The following NINL variants were observed in gnomAD, a reference collection of about 807,000 sequenced individuals.
NINL encodes the protein ninein-like protein.
NINL carries 153 observed loss-of-function variants against 160.3 expected under a neutral mutation model. That is an observed-to-expected ratio of 0.95 (90% CI 0.84 to 1.09). The LOEUF (loss-of-function observed/expected upper bound fraction) is 1.09, where lower values mean the gene tolerates loss of function less well. NINL is among the 50% of genes least tolerant of loss of function. The probability of loss-of-function intolerance (pLI) is 0.00; values close to 1 mark genes in which losing one functional copy is unlikely to be tolerated. For missense variants in NINL, 1,829 were observed against 1,764.0 expected (o/e 1.04, Z -0.66); for synonymous variants, 800 against 734.8 (o/e 1.09, Z -1.43).
At chr20:25,504,262 A>T (rs969093850) in intron 6 of NINL, among the ~76,000 whole-genome samples, 158 bp from the exon 7 acceptor site, 3 of 151,276 alleles carry the variant, frequency 2.0e-5, no homozygotes, top group African/African-American at 7.3e-5. Flanking sequence ...CATGCGGGCT[A>T]TATTTTCCCA....
rs1162451190 is a variant in NINL, at chr20:25,478,939, G to A, written c.2185C>T (p.His729Tyr). The A allele has an allele frequency of 6.4e-7, 1 of 1,553,758 alleles. No homozygotes were observed. ...TGGCTGGACCTGATCTGCTGCAGGTGGCTGTGATGCCGCAGGGCCAGGCCA... is the reference window on the plus strand; with the variant it reads ...TGGCTGGACCTGATCTGCTGCAGGTAGCTGTGATGCCGCAGGGCCAGGCCA... ...LCGLALRHHS[H>Y]LQQIRREAEA... The change falls in exon 16 of 24, where the codon CAC becomes TAC. Residue 729 changes from histidine to tyrosine, a missense_variant. His to Tyr is a moderately conservative substitution (Grantham distance 83). Coordinates refer to ENST00000278886, the MANE Select transcript of NINL (RefSeq NM_025176.6).
Position 25,509,612 on chromosome 20 carries a change from C to T in NINL, c.517+1062G>A, listed in dbSNP as rs1210743138. 8.8e-6 allele frequency: 4 copies of T among 455,172 alleles called. No individual in the cohort carries two copies. In the Admixed American group the frequency reaches 9.5e-5, roughly 11 times the overall value. 28.2% of individuals were successfully genotyped at this position (455,172 alleles called of 1,614,324 possible). On this transcript the variant is annotated intron_variant, in intron 5 of 23. Coordinates refer to ENST00000278886, the MANE Select transcript of NINL (RefSeq NM_025176.6). ...GGTTAGCCAGGCTGCCAGCTTCACA[C>T]CTGGGTAGTTCCTTAGAGCTCAGCG...
intron 1 of NINL, 37 bp downstream of exon 1, chr20:25,585,418 C>T (rs1451238297): frequency 1.3e-5 from 2 of 152,154 alleles, no homozygotes; most frequent in Non-Finnish European, 2.9e-5. Context: ...CCCCACCAGC[C>T]GCCTGAATGT....
intron 1 of NINL, among the ~76,000 whole-genome samples, chr20:25,544,192 G>T (rs1013148392): frequency 1.3e-5 from 2 of 148,356 alleles, no homozygotes; most frequent in Non-Finnish European, 3.0e-5. Flanking sequence ...ACAATTTGAC[G>T]CGTGGAATCT....
chr20:25,483,305 G>A (rs976533101), intron 13 of NINL, among the ~76,000 whole-genome samples: 4 of 151,318 alleles, frequency 2.6e-5, no homozygotes, highest in Non-Finnish European at 4.4e-5. Flanking sequence ...CTCCACTCCA[G>A]CCTGGTGACA....
intron 1 of NINL, among the ~76,000 whole-genome samples, chr20:25,572,771 C>A (rs1374001864): frequency 6.6e-6 from 1 of 152,200 alleles, no homozygotes; most frequent in Non-Finnish European, 1.5e-5. Flanking sequence ...GAAAATGTCT[C>A]TTCCAGCTCT....
intron 1 of NINL, among the ~76,000 whole-genome samples, chr20:25,576,379 C>T (rs2065116247): frequency 6.6e-6 from 1 of 152,192 alleles, no homozygotes; most frequent in African/African-American, 2.4e-5. Flanking sequence ...ACAGTAACTG[C>T]AATCGCTTGG....
chr20:25,495,164 C>G (rs1391420108), intron 10 of NINL, among the ~76,000 whole-genome samples: 3 of 152,194 alleles, frequency 2.0e-5, no homozygotes, highest in Non-Finnish European at 2.9e-5. Context: ...AGCCCCTCAA[C>G]CCCTGGAGCC....
chr20:25,470,152 G>A (rs1392474712), intron 17 of NINL, 57 bp from the exon 18 acceptor site: 3 of 1,417,718 alleles, frequency 2.1e-6, no homozygotes, highest in Admixed American at 1.7e-5. Flanking sequence ...TGTGGTCACG[G>A]AGGCTGGCTC....
intron 7 of NINL, among the ~76,000 whole-genome samples, chr20:25,501,588 C>T (rs974316222): frequency 4.6e-5 from 7 of 152,234 alleles, no homozygotes; most frequent in Non-Finnish European, 5.9e-5. Context: ...CTCCCCAACC[C>T]ACACTAAGCA....
chr20:25,583,327 T>A (rs1384964884), intron 1 of NINL, among the ~76,000 whole-genome samples: 1 of 151,958 alleles, frequency 6.6e-6, no homozygotes, highest in African/African-American at 2.4e-5. Flanking sequence ...AACAGACACT[T>A]CTCAAAAGAA....
Position 25,482,087 on chromosome 20 carries a change from C to CGGTCCTGCA in NINL, c.1682_1690dup (p.Leu561_Asp563dup). 1.3e-6 allele frequency: 2 copies of CGGTCCTGCA among 1,597,820 alleles called. No individual in the cohort carries two copies. Among genetic ancestry groups the CGGTCCTGCA allele is most frequent in the Non-Finnish European group, 1.7e-6 (2 of 1,179,560 alleles). On this transcript the variant is annotated inframe_insertion, in exon 14 of 24. Transcript: ENST00000278886. ...CAGCTCAGCTTGCAGCTCATCGTTG[C>CGGTCCTGCA]GGTCCTGCAGGTCCTGTGGGGACAG...
chr20:25,549,639 G>T (rs752143675), intron 1 of NINL, among the ~76,000 whole-genome samples: 20 of 152,300 alleles, frequency 1.3e-4, no homozygotes, highest in African/African-American at 3.6e-4. Flanking sequence ...CATCATGCAC[G>T]AGTGGAACTA....
intron 1 of NINL, among the ~76,000 whole-genome samples, chr20:25,569,402 T>C (rs2065030321): frequency 6.6e-6 from 1 of 152,174 alleles, no homozygotes; most frequent in Non-Finnish European, 1.5e-5. Context: ...TTAAACAAGA[T>C]AATTTACATT....
intron 13 of NINL, among the ~76,000 whole-genome samples, chr20:25,484,580 C>T (rs780467823): frequency 2.6e-5 from 4 of 152,074 alleles, no homozygotes; most frequent in Non-Finnish European, 4.4e-5. Context: ...AATTTGGGCA[C>T]GAAAATAATT....
At chr20:25,530,690 C>T (rs1055481827) in intron 1 of NINL, among the ~76,000 whole-genome samples, 1 of 151,946 alleles carries the variant, frequency 6.6e-6, no homozygotes, top group Non-Finnish European at 1.5e-5. Context: ...CGTGATGCCC[C>T]CCAAGCTGCA....
rs1395524722 is a variant in NINL, at chr20:25,585,488, G to GCCAGGAGCGCGGCA, written c.-59_-46dup. 6.6e-6 allele frequency: 1 copy of GCCAGGAGCGCGGCA among 152,226 alleles called. No homozygotes were observed. The allele number at this position is 152,226 out of a possible 1,614,324, so 9.4% of individuals were successfully genotyped here. A position where few individuals can be genotyped will look rare whatever the true frequency, so the allele number is the denominator to read the frequency against. Reference sequence around the variant, plus strand: ...CGCCTCCGCCGTCCGCCCGCGCGGGGCCAGGAGCGCGGCACCACCCCCGTA... The same window carrying GCCAGGAGCGCGGCA: ...CGCCTCCGCCGTCCGCCCGCGCGGGGCCAGGAGCGCGGCACCAGGAGCGCGGCACCACCCCCGTA... On this transcript the variant is annotated 5_prime_UTR_variant, in exon 1 of 24. Transcript: ENST00000278886.
At chr20:25,505,432 T>TG (rs1479889190) in intron 5 of NINL, among the ~76,000 whole-genome samples, 2 of 152,122 alleles carry the variant, frequency 1.3e-5, no homozygotes, top group Non-Finnish European at 2.9e-5. Context: ...ATTGCTTCCT[T>TG]GAAGTTTGCT....
intron 9 of NINL, among the ~76,000 whole-genome samples, chr20:25,497,986 A>C (rs867479650): frequency 2.6e-5 from 4 of 152,194 alleles, no homozygotes; most frequent in Non-Finnish European, 4.4e-5. Context: ...AGCGGCTGCC[A>C]TTCACCTGTC....
Sources: allele counts gnomAD v4.1 joint callset (sites outside exome capture counted in the v4.1 genomes callset), GRCh38; gene constraint gnomAD v4.1.1; transcripts MANE v1.5; gene names NCBI Gene and HGNC (gene_info 2026-07-23, HGNC 2026-07-21).